The following ASTN2 variants were observed in gnomAD, a reference collection of about 807,000 sequenced individuals.
ASTN2 encodes astrotactin-2.
In ASTN2, 54 loss-of-function variants were observed where a neutral mutation model predicts 139.8. That is an observed-to-expected ratio of 0.39 (90% CI 0.31 to 0.48). ASTN2 has a LOEUF of 0.48. ASTN2 is among the 20% of genes least tolerant of loss of function. ASTN2 has a pLI of 0.95. For synonymous variants in ASTN2, 756 were observed against 719.5 expected, an observed-to-expected ratio of 1.05 and a Z score of -0.81; for missense variants, 1,565 against 1,725.1, an observed-to-expected ratio of 0.91 and a Z score of 1.64.
intron 22 of ASTN2, among the ~76,000 whole-genome samples, chr9:116,432,049 G>T (rs552222826): frequency 6.6e-6 from 1 of 152,138 alleles, no homozygotes; most frequent in Non-Finnish European, 1.5e-5. Context: ...CGTAGCAGGC[G>T]TTTGTCATTG....
At chr9:116,814,498 A>G (rs904544526) in intron 12 of ASTN2, among the ~76,000 whole-genome samples, 1 of 152,134 alleles carries the variant, frequency 6.6e-6, no homozygotes, top group African/African-American at 2.4e-5. Context: ...CTAGTCTAAG[A>G]CCCCTAATAA....
intron 10 of ASTN2, among the ~76,000 whole-genome samples, chr9:116,931,808 G>A (rs569780189): frequency 4.6e-5 from 7 of 152,316 alleles, no homozygotes; most frequent in East Asian, 1.9e-4. Context: ...AGTGATGGTG[G>A]TGTGGGGTTG....
chr9:116,486,636 G>T (rs1849346876), intron 20 of ASTN2, among the ~76,000 whole-genome samples: 1 of 152,132 alleles, frequency 6.6e-6, no homozygotes, highest in African/African-American at 2.4e-5. Context: ...CATAATTGGG[G>T]TACATAAGGA....
At chr9:116,741,206 A>T (rs1357586476) in intron 13 of ASTN2, among the ~76,000 whole-genome samples, 8 of 152,188 alleles carry the variant, frequency 5.3e-5, no homozygotes, top group Admixed American at 4.6e-4. Context: ...GCCAGCATGC[A>T]AGAGCCATCA....
At chr9:117,291,254 G>A (rs547762522) in intron 2 of ASTN2, 72 bp downstream of exon 2, 33 of 1,484,516 alleles carry the variant, frequency 2.2e-5, no homozygotes, top group African/African-American at 4.2e-5. Context: ...ACAATCCCCC[G>A]CCCCCTCCAT....
At chr9:117,027,237 A>G (rs1052665791) in intron 6 of ASTN2, among the ~76,000 whole-genome samples, 5 of 152,180 alleles carry the variant, frequency 3.3e-5, no homozygotes, top group African/African-American at 1.2e-4. Context: ...AGCATCTATT[A>G]TCTATTATTT....
chr9:116,818,680 T>G (rs1831403109), intron 12 of ASTN2, among the ~76,000 whole-genome samples: 1 of 152,234 alleles, frequency 6.6e-6, no homozygotes, highest in Non-Finnish European at 1.5e-5. Context: ...TAAGTTAATT[T>G]ATTTAACAAA....
At chr9:117,217,028 G>T (rs1373448004) in intron 2 of ASTN2, among the ~76,000 whole-genome samples, 4 of 152,140 alleles carry the variant, frequency 2.6e-5, no homozygotes, top group African/African-American at 9.7e-5. Context: ...GATTCAAAGG[G>T]CCAGGAAGTG....
intron 5 of ASTN2, among the ~76,000 whole-genome samples, chr9:117,061,372 C>G (rs985519782): frequency 2.8e-5 from 1 of 35,232 alleles, no homozygotes; most frequent in Non-Finnish European, 7.2e-5. Flanking sequence ...GTGCTTTGCA[C>G]AGTGCCTATT....
chr9:116,897,019 C>A (rs1833895836), intron 10 of ASTN2, among the ~76,000 whole-genome samples: 1 of 152,160 alleles, frequency 6.6e-6, no homozygotes, highest in Non-Finnish European at 1.5e-5. Context: ...AACCCTGAAT[C>A]TTTCTGTGAA....
intron 17 of ASTN2, among the ~76,000 whole-genome samples, chr9:116,625,045 T>A (rs1296358036): frequency 5.9e-5 from 9 of 152,192 alleles, no homozygotes; most frequent in Admixed American, 5.9e-4. Context: ...TGTGATCCTC[T>A]TCTTCCCCAG....
chr9:116,569,001 T>C (rs2131683087), intron 19 of ASTN2: 1 of 152,316 alleles, frequency 6.6e-6, no homozygotes, highest in South Asian at 2.1e-4. Flanking sequence ...GGGTCAAGGT[T>C]GGTCCAAGGA....
intron 10 of ASTN2, among the ~76,000 whole-genome samples, chr9:116,912,394 G>T (rs929921287): frequency 6.6e-6 from 1 of 152,226 alleles, no homozygotes; most frequent in East Asian, 1.9e-4. Context: ...TAGGTGCTCA[G>T]AAAACACAAG....
chr9:117,258,273 G>A (rs1833739220), intron 2 of ASTN2, among the ~76,000 whole-genome samples: 1 of 152,186 alleles, frequency 6.6e-6, no homozygotes, highest in African/African-American at 2.4e-5. Context: ...AGCTTAATCA[G>A]ACTCAGAGAG....
At chr9:117,171,825 G>A (rs992231596) in intron 3 of ASTN2, among the ~76,000 whole-genome samples, 5 of 151,920 alleles carry the variant, frequency 3.3e-5, no homozygotes, top group Admixed American at 6.6e-5. Context: ...ATAAATTACC[G>A]AGCCTTGGGC....
chr9:116,865,076 G>A lies in ASTN2; in HGVS notation c.1890-1343C>T, dbSNP rs1420255840. On this transcript the variant is annotated intron_variant, in intron 10 of 22. Transcript: ENST00000313400. ...TCTCTATCCACTAGGCACAGGCCTC[G>A]TCTCATTCCCTGAACACAGAATCTC... 3.3e-5 allele frequency among the ~76,000 whole-genome samples: 5 copies of A among 152,086 alleles called. No individual in the cohort carries two copies. The South Asian group carries it at 1.0e-3, about 32-fold the overall frequency.
intron 10 of ASTN2, among the ~76,000 whole-genome samples, chr9:116,972,703 C>T (rs141742880): frequency 5.1e-4 from 77 of 152,292 alleles, no homozygotes; most frequent in African/African-American, 1.7e-3. Flanking sequence ...ACAGCCTGTA[C>T]ATTTAACTAC....
Position 117,277,681 on chromosome 9 carries a change from A to G in ASTN2, c.630+13645T>C, listed in dbSNP as rs1235514625. Among the ~76,000 whole-genome samples the G allele has an allele frequency of 3.3e-5, 5 of 152,218 alleles. No homozygotes were observed. The East Asian group carries it at 9.6e-4, about 29-fold the overall frequency. ...TTTTAAACCTCCTAGTAATAGTGGT[A>G]GTGCAAGGACTTTAGAATCATGACA... On this transcript the variant is annotated intron_variant, in intron 2 of 22. Transcript: ENST00000313400.
At chr9:116,677,190 A>T (rs931064506) in intron 16 of ASTN2, among the ~76,000 whole-genome samples, 2 of 152,038 alleles carry the variant, frequency 1.3e-5, no homozygotes, top group Non-Finnish European at 2.9e-5. Context: ...CAGTCTACTG[A>T]ATTATTTTTC....
Sources: allele counts gnomAD v4.1 joint callset (sites outside exome capture counted in the v4.1 genomes callset), GRCh38; gene constraint gnomAD v4.1.1; transcripts MANE v1.5; gene names NCBI Gene and HGNC (gene_info 2026-07-23, HGNC 2026-07-21).